The following HERC1 variants were observed in gnomAD, a reference collection of about 807,000 sequenced individuals.
The protein encoded by HERC1 is probable E3 ubiquitin-protein ligase HERC1.
HERC1 carries 160 observed loss-of-function variants against 554.3 expected under a neutral mutation model. The ratio of observed to expected loss-of-function variants is 0.29; its 90% CI spans 0.25 to 0.33. HERC1 has a LOEUF of 0.33. Ranked by LOEUF, HERC1 falls within the 10% of genes least tolerant of loss-of-function variation. HERC1 has a pLI of 1.00. For synonymous variants in HERC1, 2,175 were observed against 2,131.7 expected, an observed-to-expected ratio of 1.02 and a Z score of -0.56; for missense variants, 4,919 against 5,918.5, an observed-to-expected ratio of 0.83 and a Z score of 5.54.
Position 63,719,967 on chromosome 15 carries a change from T to A in HERC1, c.3743-1070A>T, listed in dbSNP as rs565995594. Among the ~76,000 whole-genome samples the A allele has an allele frequency of 6.6e-5, 10 of 152,166 alleles. No homozygotes were observed. The South Asian group carries it at 2.1e-3, about 32-fold the overall frequency. ...TATCTGGTATTTGATGCCATAAAAG[T>A]ATATACTGTGAATACAAGTACATTT... On this transcript the variant is annotated intron_variant, in intron 19 of 77. Coordinates refer to ENST00000443617, the MANE Select transcript of HERC1 (RefSeq NM_003922.4).
At chr15:63,754,733 CA>C in intron 6 of HERC1, 85 bp from the exon 7 acceptor site, 1 of 1,290,356 alleles carries the variant, frequency 7.7e-7, no homozygotes, top group Non-Finnish European at 1.1e-6. Flanking sequence ...ATAAATGTTA[CA>C]ACTTTAAAAT....
intron 1 of HERC1, among the ~76,000 whole-genome samples, chr15:63,829,387 C>G (rs2078049458): frequency 6.6e-6 from 1 of 150,900 alleles, no homozygotes; most frequent in Non-Finnish European, 1.5e-5. Context: ...CACGCCACGG[C>G]ACTGCAGCCT....
intron 51 of HERC1, among the ~76,000 whole-genome samples, chr15:63,653,448 A>G (rs1000783619): frequency 6.6e-6 from 1 of 152,138 alleles, no homozygotes; most frequent in Non-Finnish European, 1.5e-5. Flanking sequence ...AAAACTGTTT[A>G]AGTAATACAA....
rs375309992 is a variant in HERC1 at position 63,672,523 on chromosome 15, G to C, written c.8018C>G (p.Pro2673Arg). ...DTETVPASES[P>R]GVMPLSLLRQ... Reference sequence around the variant, plus strand: ...GAGAAGACTAAGAGGCATCACTCCCGGGGACTCGGATGCAGGCACTGTTTC... The same window carrying C: ...GAGAAGACTAAGAGGCATCACTCCCCGGGACTCGGATGCAGGCACTGTTTC... The change falls in exon 39 of 78, where the codon CCG becomes CGG. Residue 2673 changes from proline (P) to arginine (R), a missense_variant. Around this residue, in one of 11 missense-constraint regions of HERC1, gnomAD observed 1,963 missense variants for 2,228.6 expected, o/e 0.88. Coordinates refer to ENST00000443617, the MANE Select transcript of HERC1 (RefSeq NM_003922.4). The C allele has an allele frequency of 6.2e-6, 10 of 1,601,684 alleles. No homozygotes were observed. In the Admixed American group the frequency reaches 1.7e-4, roughly 28 times the overall value.
chr15:63,690,150 G>A (rs892755968), intron 32 of HERC1, among the ~76,000 whole-genome samples: 1 of 142,136 alleles, frequency 7.0e-6, no homozygotes, highest in South Asian at 2.2e-4. Context: ...CTGGGCGACA[G>A]AGCGAGACTC....
intron 8 of HERC1, among the ~76,000 whole-genome samples, chr15:63,750,983 AACTT>A (rs2075221759): frequency 6.6e-6 from 1 of 152,200 alleles, no homozygotes; most frequent in Non-Finnish European, 1.5e-5. Flanking sequence ...GTTTCCAGAT[AACTT>A]ACTTAAGTAT....
chr15:63,781,455 T>C (rs745794496), intron 1 of HERC1, among the ~76,000 whole-genome samples: 44 of 152,224 alleles, frequency 2.9e-4, no homozygotes, highest in Admixed American at 2.4e-3. Context: ...TGGTAACCTG[T>C]AATCAGCAAG....
rs755094204 is a variant in HERC1, at chr15:63,694,726, G to A, written c.5242+48C>T. On this transcript the variant is annotated intron_variant, in intron 28 of 77. Coordinates refer to ENST00000443617, the MANE Select transcript of HERC1 (RefSeq NM_003922.4). This position sits in a 1 kb window ranked among gnomAD's most constrained non-coding sequence, Gnocchi z 4.3. Reference sequence around the variant, plus strand: ...GAACATAACTAGTACCATAACCTCGGGCTAAAATGTAACCTGCACTGTACA... The same window carrying A: ...GAACATAACTAGTACCATAACCTCGAGCTAAAATGTAACCTGCACTGTACA... 6 of 1,612,120 alleles carry A rather than the reference G, an allele frequency of 3.7e-6. No homozygotes were observed. The highest frequency in any genetic ancestry group is 1.6e-4 in the Middle Eastern group (1 of 6,082).
rs2069639599 is a variant in HERC1 at position 63,650,848 on chromosome 15, C to T, written c.10546+405G>A. Among the ~76,000 whole-genome samples the T allele has an allele frequency of 2.0e-5, 3 of 152,132 alleles. No homozygotes were observed. In the South Asian group the frequency reaches 6.2e-4, roughly 32 times the overall value. ...GAAAATACTAATAAGCTCGATATTA[C>T]AATAATTATTTTTACTTTCCAGAGA... On this transcript the variant is annotated intron_variant, in intron 53 of 77. Transcript: ENST00000443617.
chr15:63,679,949 A>T, intron 36 of HERC1, 128 bp downstream of exon 36: 1 of 548,160 alleles, frequency 1.8e-6, no homozygotes, highest in Non-Finnish European at 3.1e-6. Flanking sequence ...CTTCTTCTAG[A>T]AGAATGGATT....
intron 1 of HERC1, among the ~76,000 whole-genome samples, chr15:63,823,840 C>G (rs1046289026): frequency 3.3e-5 from 5 of 151,956 alleles, no homozygotes; most frequent in Admixed American, 6.6e-5. Context: ...TTCTGCATAG[C>G]AAAAGAACAA....
At position 63,664,507 on chromosome 15, in the gene HERC1, CT is replaced by C; in HGVS notation, c.8642del (p.Lys2881SerfsTer4). 6.2e-7 allele frequency: 1 copy of C among 1,613,730 alleles called. No homozygotes were observed. The highest frequency in any genetic ancestry group is 8.5e-7 in the Non-Finnish European group (1 of 1,179,734). On this transcript the variant is annotated frameshift_variant, in exon 43 of 78. Coordinates refer to ENST00000443617, the MANE Select transcript of HERC1 (RefSeq NM_003922.4). LOFTEE classifies it high-confidence loss of function. ...GCAGTGTGCGAGCAGCTAAGTCAAA[CT>C]TGTGTCTTCTTGTTACCGCTGAGCG... is the stretch of plus-strand genomic sequence containing the variant. ...RGRSAVTRRH[K>X]FDLAARTLLA...
In HERC1 at chr15:63,783,754, C is replaced by T. The variant is rs150288191; in HGVS notation, c.-26-8105G>A. On this transcript the variant is annotated intron_variant, in intron 1 of 77. Coordinates refer to ENST00000443617, the MANE Select transcript of HERC1 (RefSeq NM_003922.4). ...TGAGAATCTGATAAAAGCAGTAGAC[C>T]GTGACTCCCCAAAGAATAAAACTCA... is the stretch of plus-strand genomic sequence containing the variant. 1.1e-3 allele frequency among the ~76,000 whole-genome samples: 173 copies of T among 152,156 alleles called. 1 individual carries two copies. The highest frequency in any genetic ancestry group is 4.0e-3 in the African/African-American group (164 of 41,502).
intron 1 of HERC1, among the ~76,000 whole-genome samples, chr15:63,776,837 T>C (rs2076133044): frequency 6.6e-6 from 1 of 152,134 alleles, no homozygotes; most frequent in Non-Finnish European, 1.5e-5. Context: ...TCAGTGAAAG[T>C]GCACTTGAGA....
intron 31 of HERC1, 36 bp from the exon 32 acceptor site, chr15:63,690,683 G>T: frequency 1.6e-6 from 2 of 1,265,544 alleles, no homozygotes; most frequent in South Asian, 1.3e-5. Context: ...TTATCAATGT[G>T]ACTTAAATTC....
chr15:63,632,671 G>T (rs2068615775), intron 68 of HERC1, 38 bp downstream of exon 68: 6 of 1,300,192 alleles, frequency 4.6e-6, no homozygotes, highest in African/African-American at 1.5e-5. Flanking sequence ...TGTTTATAAT[G>T]ATGTGTACCC....
chr15:63,833,751 GCGCACACACACA>G (rs1186727511), intron 1 of HERC1, 64 bp downstream of exon 1: 21 of 72,346 alleles, frequency 2.9e-4, no homozygotes, highest in South Asian at 1.1e-3. Context: ...ACACGCGCGC[GCGCACACACACA>G]CACACACACA....
intron 25 of HERC1, among the ~76,000 whole-genome samples, chr15:63,705,469 G>A (rs1009226080): frequency 6.6e-5 from 10 of 152,116 alleles, no homozygotes; most frequent in African/African-American, 2.4e-4. Flanking sequence ...CAAATTTTAA[G>A]TAACAACATT....
chr15:63,808,721 C>T (rs2077206678), intron 1 of HERC1, among the ~76,000 whole-genome samples: 1 of 152,172 alleles, frequency 6.6e-6, no homozygotes. Flanking sequence ...TGTCAGCACA[C>T]ACAAATACCT....
Sources: gnomAD v4.1 joint callset for allele counts (sites outside exome capture counted in the v4.1 genomes callset) on GRCh38, gnomAD v4.1.1 for gene constraint, gnomAD v4.1.1 regional missense constraint, Gnocchi (gnomAD v3.1) non-coding constraint, MANE v1.5 for transcripts, NCBI Gene and HGNC (gene_info 2026-07-23, HGNC 2026-07-21) for gene names.